Variants in TMEM132D observed in about 807,000 individuals in gnomAD.
TMEM132D encodes mature OL transmembrane protein.
TMEM132D carries 21 observed loss-of-function variants against 62.3 expected under a neutral mutation model. The observed-to-expected ratio is 0.34, with a 90% confidence interval of 0.24 to 0.49. TMEM132D has a LOEUF of 0.49. TMEM132D is among the 20% of genes least tolerant of loss of function. TMEM132D has a pLI of 0.99. For missense variants in TMEM132D, 1,346 were observed against 1,402.8 expected, an observed-to-expected ratio of 0.96 and a Z score of 0.65; for synonymous variants, 621 against 575.6, an observed-to-expected ratio of 1.08 and a Z score of -1.13.
intron 2 of TMEM132D, among the ~76,000 whole-genome samples, chr12:129,696,834 G>A (rs186623460): frequency 6.6e-6 from 1 of 152,186 alleles, no homozygotes; most frequent in Non-Finnish European, 1.5e-5. Flanking sequence ...GATTGAATGA[G>A]ATCGTTAGAT....
intron 5 of TMEM132D, among the ~76,000 whole-genome samples, chr12:129,175,860 A>T (rs1877889267): frequency 6.6e-6 from 1 of 152,216 alleles, no homozygotes; most frequent in African/African-American, 2.4e-5. Flanking sequence ...TTTATGTCCA[A>T]AATCCTTCTA....
At chr12:129,356,589 G>T (rs1024283064) in intron 3 of TMEM132D, among the ~76,000 whole-genome samples, 1 of 151,260 alleles carries the variant, frequency 6.6e-6, no homozygotes, top group Non-Finnish European at 1.5e-5. Flanking sequence ...AGGCCTAGGC[G>T]GGAGGGCTGC....
At chr12:129,427,735 TA>T (rs59343098) in intron 3 of TMEM132D, among the ~76,000 whole-genome samples, 51 of 149,692 alleles carry the variant, frequency 3.4e-4, no homozygotes, top group African/African-American at 1.0e-3. Context: ...GGAGGAAAAT[TA>T]AAAAAAAACA....
At chr12:129,470,080 G>A (rs1352839751) in intron 3 of TMEM132D, among the ~76,000 whole-genome samples, 1 of 152,274 alleles carries the variant, frequency 6.6e-6, no homozygotes, top group East Asian at 1.9e-4. Flanking sequence ...GATACTGGAC[G>A]GATCAATCTT....
At chr12:129,492,022 C>T (rs1874810607) in intron 3 of TMEM132D, among the ~76,000 whole-genome samples, 1 of 152,084 alleles carries the variant, frequency 6.6e-6, no homozygotes. Flanking sequence ...AGAAACTTTA[C>T]TTGGGCAAGT....
intron 1 of TMEM132D, among the ~76,000 whole-genome samples, chr12:129,742,364 T>A (rs545663911): frequency 6.6e-6 from 1 of 152,090 alleles, no homozygotes; most frequent in Non-Finnish European, 1.5e-5. Flanking sequence ...ACATGTCACA[T>A]GGTGAGAGAG....
chr12:129,549,516 C>T (rs781316686), intron 2 of TMEM132D, among the ~76,000 whole-genome samples: 1 of 152,216 alleles, frequency 6.6e-6, no homozygotes, highest in East Asian at 1.9e-4. Context: ...TTCTTTCTTG[C>T]CTGACACCAT....
intron 2 of TMEM132D, among the ~76,000 whole-genome samples, chr12:129,571,969 C>T (rs1877525979): frequency 6.6e-6 from 1 of 152,138 alleles, no homozygotes; most frequent in African/African-American, 2.4e-5. Context: ...TTGCTACACG[C>T]ACCATGAAAA....
At position 129,689,853 on chromosome 12, in the gene TMEM132D, C is replaced by T. The variant is rs541511197; in HGVS notation, c.968+9957G>A. Among the ~76,000 whole-genome samples, 69 of 152,234 alleles carry T rather than the reference C, an allele frequency of 4.5e-4. 1 individual carries two copies. Among genetic ancestry groups the T allele is most frequent in the African/African-American group, 1.6e-3 (66 of 41,558 alleles). Reference sequence around the variant, plus strand: ...TGGCTTGGAAGTCATCACAATTATTCTTACAAGAAAAAGGAGGAAAAACTG... The same window carrying T: ...TGGCTTGGAAGTCATCACAATTATTTTTACAAGAAAAAGGAGGAAAAACTG... On this transcript the variant is annotated intron_variant, in intron 2 of 8. Transcript: ENST00000422113.
At chr12:129,899,288 G>C (rs1156313421) in intron 1 of TMEM132D, among the ~76,000 whole-genome samples, 3 of 123,020 alleles carry the variant, frequency 2.4e-5, no homozygotes, top group East Asian at 4.4e-4. Flanking sequence ...TGCATGGATG[G>C]ATGGATGGAT....
At chr12:129,561,051 T>C (rs980071951) in intron 2 of TMEM132D, among the ~76,000 whole-genome samples, 6 of 152,020 alleles carry the variant, frequency 3.9e-5, no homozygotes, top group African/African-American at 1.2e-4. Flanking sequence ...TGACAGATAA[T>C]GGAGAGTGCA....
intron 3 of TMEM132D, among the ~76,000 whole-genome samples, chr12:129,504,415 C>G (rs577414812): frequency 3.3e-5 from 5 of 152,256 alleles, no homozygotes; most frequent in African/African-American, 9.6e-5. Context: ...CCATTTCAAT[C>G]TTGCTGCTTG....
chr12:129,813,595 C>A (rs945685927), intron 1 of TMEM132D, among the ~76,000 whole-genome samples: 3 of 113,268 alleles, frequency 2.6e-5, no homozygotes, highest in Admixed American at 1.1e-4. Flanking sequence ...GAAGGATGGA[C>A]GGATACAGAA....
At chr12:129,636,700 G>GTA in intron 2 of TMEM132D, among the ~76,000 whole-genome samples, 1 of 63,578 alleles carries the variant, frequency 1.6e-5, no homozygotes, top group Non-Finnish European at 2.6e-5. Flanking sequence ...ATACAGAAAT[G>GTA]TGTGTGTGTG....
intron 2 of TMEM132D, among the ~76,000 whole-genome samples, chr12:129,602,208 G>T (rs7958996): frequency 6.6e-5 from 10 of 151,916 alleles, no homozygotes; most frequent in Non-Finnish European, 1.2e-4. Context: ...AAACTAGACC[G>T]CCTGTATGCA....
At chr12:129,220,762 G>A (rs1346063413) in intron 4 of TMEM132D, among the ~76,000 whole-genome samples, 1 of 151,888 alleles carries the variant, frequency 6.6e-6, no homozygotes, top group African/African-American at 2.4e-5. Context: ...AATGTCAAAC[G>A]GATACAAGAA....
chr12:129,693,842 G>C (rs1181939856), intron 2 of TMEM132D, among the ~76,000 whole-genome samples: 1 of 152,128 alleles, frequency 6.6e-6, no homozygotes, highest in Non-Finnish European at 1.5e-5. Context: ...CGATGTATGC[G>C]ACGTATGAAC....
At chr12:129,316,551 AT>A (rs1868493336) in intron 4 of TMEM132D, among the ~76,000 whole-genome samples, 1 of 152,120 alleles carries the variant, frequency 6.6e-6, no homozygotes, top group African/African-American at 2.4e-5. Context: ...ATTGAGGCTC[AT>A]TTTTATGCCC....
At chr12:129,254,083 G>A (rs1358919193) in intron 4 of TMEM132D, among the ~76,000 whole-genome samples, 1 of 152,176 alleles carries the variant, frequency 6.6e-6, no homozygotes, top group Non-Finnish European at 1.5e-5. Flanking sequence ...TGTGGGAGAT[G>A]CAGGGCCCAA....
Sources: gnomAD v4.1 joint callset for allele counts (sites outside exome capture counted in the v4.1 genomes callset) on GRCh38, gnomAD v4.1.1 for gene constraint, MANE v1.5 for transcripts, NCBI Gene and HGNC (gene_info 2026-07-23, HGNC 2026-07-21) for gene names.